SEM1: variants seen among roughly 807,000 people sequenced by gnomAD.
The protein encoded by SEM1 is SEM1 26S proteasome subunit.
Under a neutral mutation model 12.7 loss-of-function variants are expected in SEM1, and 3 were observed. That is an observed-to-expected ratio of 0.24 (90% CI 0.11 to 0.61). SEM1 has a LOEUF of 0.61. SEM1 is among the 20% of genes least tolerant of loss of function. SEM1 has a pLI of 0.88. For synonymous variants in SEM1, 30 were observed against 27.8 expected, an observed-to-expected ratio of 1.08 and a Z score of -0.25; for missense variants, 59 against 81.3, an observed-to-expected ratio of 0.73 and a Z score of 1.06.
intron 2 of SEM1, among the ~76,000 whole-genome samples, chr7:96,528,939 C>T (rs553974359): frequency 6.6e-6 from 1 of 152,202 alleles, no homozygotes; most frequent in African/African-American, 2.4e-5. Flanking sequence ...ATTCCCGTAC[C>T]TAATAAATTT....
chr7:96,653,237 C>CA (rs1329401841), intron 2 of SEM1, among the ~76,000 whole-genome samples: 4 of 151,476 alleles, frequency 2.6e-5, no homozygotes, highest in South Asian at 2.1e-4. Flanking sequence ...CAGAACAAAA[C>CA]AAAAAAAGGC....
chr7:96,585,964 G>C (rs901738641), intron 2 of SEM1, among the ~76,000 whole-genome samples: 6 of 152,166 alleles, frequency 3.9e-5, no homozygotes, highest in African/African-American at 1.4e-4. Flanking sequence ...GACCGGAGCT[G>C]TTCCTATTAC....
chr7:96,632,237 A>G (rs1356833630), intron 2 of SEM1, among the ~76,000 whole-genome samples: 1 of 152,226 alleles, frequency 6.6e-6, no homozygotes, highest in African/African-American at 2.4e-5. Context: ...TCATTCTACT[A>G]TAAAGACACA....
chr7:96,661,218 C>T (rs192575271), intron 2 of SEM1, among the ~76,000 whole-genome samples: 161 of 152,242 alleles, frequency 1.1e-3, no homozygotes, highest in African/African-American at 3.8e-3. Flanking sequence ...TCATCACTAT[C>T]CTTTGCTACT....
chr7:96,529,943 G>T (rs1204179252), intron 2 of SEM1, among the ~76,000 whole-genome samples: 1 of 152,034 alleles, frequency 6.6e-6, no homozygotes, highest in African/African-American at 2.4e-5. Flanking sequence ...AAAAACAGTT[G>T]TACAACTTCC....
chr7:96,545,434 T>C (rs1343668668), intron 2 of SEM1, among the ~76,000 whole-genome samples: 2 of 151,928 alleles, frequency 1.3e-5, no homozygotes, highest in African/African-American at 4.8e-5. Flanking sequence ...ACTCAACAAC[T>C]TGCTAAAACA....
chr7:96,615,239 A>ATTTTTTTTGTTTTTTT (rs1421596853), intron 2 of SEM1, among the ~76,000 whole-genome samples: 1 of 98,142 alleles, frequency 1.0e-5, no homozygotes, highest in Non-Finnish European at 1.9e-5. Flanking sequence ...TTTTTGAGTC[A>ATTTTTTTTGTTTTTTT]TCTTTTTTTT....
intron 2 of SEM1, among the ~76,000 whole-genome samples, chr7:96,680,005 A>C (rs970904060): frequency 2.0e-5 from 3 of 151,954 alleles, no homozygotes; most frequent in Non-Finnish European, 4.4e-5. Context: ...GCCAGAGCCT[A>C]CTCTGCCCAC....
intron 2 of SEM1, among the ~76,000 whole-genome samples, chr7:96,588,778 T>C (rs940277647): frequency 1.3e-5 from 2 of 151,964 alleles, no homozygotes; most frequent in East Asian, 3.9e-4. Context: ...AAAGTAATAG[T>C]AAAGAAAGAA....
intron 1 of SEM1, among the ~76,000 whole-genome samples, chr7:96,707,027 G>C (rs544898374): frequency 1.3e-5 from 2 of 152,174 alleles, no homozygotes; most frequent in Non-Finnish European, 2.9e-5. Flanking sequence ...AATACCAAAA[G>C]ATTGAAAATA....
At chr7:96,645,800 T>A (rs1808772094) in intron 2 of SEM1, 3 of 398,284 alleles carry the variant, frequency 7.5e-6, no homozygotes, top group Middle Eastern at 6.2e-4. Flanking sequence ...GAGGAGTGAC[T>A]AATAGGAGAA....
chr7:96,696,846 G>A (rs1790113783), intron 1 of SEM1: 1 of 151,698 alleles, frequency 6.6e-6, no homozygotes, highest in Non-Finnish European at 1.5e-5. Flanking sequence ...GTAATCTCTG[G>A]GTTTAGCTGA....
chr7:96,549,954 A>C (rs1584755063), intron 2 of SEM1, among the ~76,000 whole-genome samples: 1 of 152,132 alleles, frequency 6.6e-6, no homozygotes, highest in East Asian at 1.9e-4. Flanking sequence ...ATAGAGTTTC[A>C]CACTTTTGCC....
intron 2 of SEM1, among the ~76,000 whole-genome samples, chr7:96,528,220 G>T (rs914383714): frequency 6.6e-6 from 1 of 152,204 alleles, no homozygotes; most frequent in African/African-American, 2.4e-5. Context: ...TCGAGACAGG[G>T]TCTCACTCTG....
At chr7:96,648,915 C>T (rs963425524) in intron 2 of SEM1, among the ~76,000 whole-genome samples, 8 of 152,144 alleles carry the variant, frequency 5.3e-5, no homozygotes, top group African/African-American at 1.2e-4. Context: ...TGGGCCAAAA[C>T]GGCCCAATGT....
At chr7:96,511,450 G>A (rs536481328) in intron 2 of SEM1, among the ~76,000 whole-genome samples, 1 of 152,238 alleles carries the variant, frequency 6.6e-6, no homozygotes, top group Admixed American at 6.5e-5. Flanking sequence ...CACTGAACGA[G>A]GAGAGAGTGT....
intron 2 of SEM1, among the ~76,000 whole-genome samples, chr7:96,689,282 G>A (rs1326001702): frequency 1.3e-5 from 2 of 152,064 alleles, no homozygotes; most frequent in African/African-American, 4.8e-5. Context: ...CTATATGAAT[G>A]TTCTGTTCCT....
intron 2 of SEM1, among the ~76,000 whole-genome samples, chr7:96,580,968 G>C (rs1806379951): frequency 1.3e-5 from 2 of 152,136 alleles, no homozygotes; most frequent in African/African-American, 4.8e-5. Flanking sequence ...AAGCTCTTTA[G>C]TTTAATTAGA....
chr7:96,522,615 C>A (rs2115647102), intron 2 of SEM1, among the ~76,000 whole-genome samples: 1 of 151,132 alleles, frequency 6.6e-6, no homozygotes, highest in Non-Finnish European at 1.5e-5. Flanking sequence ...CAGTGGCTCA[C>A]ACCTGTAATC....
Sources: allele counts gnomAD v4.1 joint callset (sites outside exome capture counted in the v4.1 genomes callset), GRCh38; gene constraint gnomAD v4.1.1; transcripts MANE v1.5; gene names NCBI Gene and HGNC (gene_info 2026-07-23, HGNC 2026-07-21).